KHDRBS2: variants seen among roughly 807,000 people sequenced by gnomAD.
The protein encoded by KHDRBS2 is KH RNA binding domain containing, signal transduction associated 2.
A neutral mutation model predicts 44.3 loss-of-function variants in KHDRBS2; 26 were observed. The ratio of observed to expected loss-of-function variants is 0.59; its 90% CI spans 0.43 to 0.81. KHDRBS2 has a LOEUF of 0.81. Among genes scored for constraint, KHDRBS2 ranks in the 40% least tolerant of loss-of-function variants. KHDRBS2 has a pLI of 0.00. For missense variants in KHDRBS2, 476 were observed against 433.1 expected (o/e 1.10, Z -0.88); for synonymous variants, 194 against 151.1 (o/e 1.28, Z -2.08).
chr6:61,665,422 A>G, the KHDRBS2 span, among the ~76,000 whole-genome samples: 1 of 151,446 alleles, frequency 6.6e-6, no homozygotes, highest in East Asian at 1.9e-4. Context: ...CAGGGAGAAG[A>G]AAGAGTTAAC....
At position 61,950,773 on chromosome 6, in the gene KHDRBS2, T is replaced by C. The variant is rs561580812; in HGVS notation, c.483+27293A>G. On this transcript the variant is annotated intron_variant, in intron 4 of 8. Transcript: ENST00000281156. ...AGTCAGAGAAGGAGAAGAATCTGAG[T>C]TCCATTGCCATATCTTTTGTGTGGT... Among the ~76,000 whole-genome samples, 4 of 152,132 alleles carry C rather than the reference T, an allele frequency of 2.6e-5. No individual in the cohort carries two copies. The South Asian group carries it at 8.3e-4, about 31-fold the overall frequency.
chr6:61,795,069 G>A (rs544537953), intron 6 of KHDRBS2, among the ~76,000 whole-genome samples: 1 of 149,842 alleles, frequency 6.7e-6, no homozygotes, highest in Non-Finnish European at 1.5e-5. Flanking sequence ...AACCCGGGAG[G>A]TGGAGGTTGC....
intron 2 of KHDRBS2, among the ~76,000 whole-genome samples, chr6:62,123,144 C>A (rs771559560): frequency 6.6e-6 from 1 of 152,060 alleles, no homozygotes; most frequent in African/African-American, 2.4e-5. Context: ...TGAGAACATG[C>A]GGTGTTTGGT....
chr6:62,048,499 A>G (rs527527178), intron 2 of KHDRBS2, among the ~76,000 whole-genome samples: 1 of 151,944 alleles, frequency 6.6e-6, no homozygotes, highest in Non-Finnish European at 1.5e-5. Context: ...TTGTCTGGTG[A>G]CCATAACTTT....
In KHDRBS2 at chr6:61,689,003, T is replaced by C. The variant is rs1420056673; in HGVS notation, c.953-7943A>G. On this transcript the variant is annotated intron_variant, in intron 8 of 8. Transcript: ENST00000281156. Reference sequence around the variant, plus strand: ...ATTAGAGTTTGGGCTTTGGCCTATGTGATATCAGCCCAACCTGAGGAGTGG... The same window carrying C: ...ATTAGAGTTTGGGCTTTGGCCTATGCGATATCAGCCCAACCTGAGGAGTGG... Among the ~76,000 whole-genome samples, 4 of 151,972 alleles carry C rather than the reference T, an allele frequency of 2.6e-5. No individual in the cohort carries two copies. The East Asian group carries it at 7.8e-4, about 30-fold the overall frequency.
chr6:61,673,187 T>C, the KHDRBS2 span, among the ~76,000 whole-genome samples: 4 of 152,034 alleles, frequency 2.6e-5, no homozygotes, highest in Non-Finnish European at 4.4e-5. Context: ...GAGGGCTCTG[T>C]TCTGTTCTAT....
chr6:62,071,025 C>T (rs1340121344), intron 2 of KHDRBS2, among the ~76,000 whole-genome samples: 19 of 151,948 alleles, frequency 1.3e-4, no homozygotes, highest in East Asian at 7.8e-4. Context: ...TTTTAATGAT[C>T]GCCATTTAAC....
intron 6 of KHDRBS2, among the ~76,000 whole-genome samples, chr6:61,889,534 C>A (rs1801487728): frequency 7.5e-6 from 1 of 133,460 alleles, no homozygotes; most frequent in Admixed American, 8.6e-5. Context: ...CAAATCTTAA[C>A]AGATGATTTT....
At chr6:61,598,384 T>A in the KHDRBS2 span, among the ~76,000 whole-genome samples, 1 of 152,106 alleles carries the variant, frequency 6.6e-6, no homozygotes, top group Non-Finnish European at 1.5e-5. Context: ...CGATGACAGC[T>A]CAAAGAAAGG....
intron 2 of KHDRBS2, among the ~76,000 whole-genome samples, chr6:62,155,235 A>T (rs552153791): frequency 1.4e-4 from 22 of 152,308 alleles, no homozygotes; most frequent in Non-Finnish European, 2.4e-4. Flanking sequence ...ATGACACCCA[A>T]TTCTGACTAT....
intron 1 of KHDRBS2, among the ~76,000 whole-genome samples, chr6:62,180,104 A>C (rs1247708163): frequency 6.6e-6 from 1 of 151,866 alleles, no homozygotes; most frequent in Non-Finnish European, 1.5e-5. Flanking sequence ...ACAAGAACAG[A>C]AAACCAAACA....
At chr6:61,689,074 T>C (rs1323739946) in intron 8 of KHDRBS2, among the ~76,000 whole-genome samples, 2 of 152,042 alleles carry the variant, frequency 1.3e-5, no homozygotes, top group East Asian at 3.9e-4. Context: ...GTCTATACAA[T>C]GAAACCATAA....
intron 3 of KHDRBS2, among the ~76,000 whole-genome samples, chr6:61,996,494 T>C (rs1777187267): frequency 6.6e-6 from 1 of 152,174 alleles, no homozygotes; most frequent in Admixed American, 6.5e-5. Flanking sequence ...TAAATGTTTT[T>C]TTCTGGGCCT....
At chr6:61,806,188 G>C (rs1460036924) in intron 6 of KHDRBS2, among the ~76,000 whole-genome samples, 1 of 152,120 alleles carries the variant, frequency 6.6e-6, no homozygotes, top group Non-Finnish European at 1.5e-5. Flanking sequence ...CTGGGACGAA[G>C]CTGGAAATGA....
At chr6:61,613,616 T>G in the KHDRBS2 span, among the ~76,000 whole-genome samples, 3 of 150,334 alleles carry the variant, frequency 2.0e-5, no homozygotes, top group African/African-American at 7.4e-5. Context: ...ATTACAATCT[T>G]GCTTTATTTG....
intron 2 of KHDRBS2, among the ~76,000 whole-genome samples, chr6:62,142,810 C>T (rs886895143): frequency 1.3e-5 from 2 of 151,100 alleles, no homozygotes; most frequent in African/African-American, 4.9e-5. Context: ...ATCCAGAAAA[C>T]ATTATTATTA....
At chr6:61,979,973 T>C (rs939926516) in intron 3 of KHDRBS2, among the ~76,000 whole-genome samples, 3 of 152,136 alleles carry the variant, frequency 2.0e-5, no homozygotes, top group Non-Finnish European at 2.9e-5. Flanking sequence ...CCTAGGGAAC[T>C]GAAATAATTT....
At chr6:61,597,513 C>T in the KHDRBS2 span, among the ~76,000 whole-genome samples, 2 of 151,622 alleles carry the variant, frequency 1.3e-5, no homozygotes, top group African/African-American at 4.8e-5. Flanking sequence ...TATGTGATAA[C>T]TAGAACTCTC....
chr6:62,121,903 T>C (rs1807737070), intron 2 of KHDRBS2, among the ~76,000 whole-genome samples: 1 of 152,188 alleles, frequency 6.6e-6, no homozygotes, highest in African/African-American at 2.4e-5. Flanking sequence ...ATGAGAGGCC[T>C]GTCAAGATAT....
Sources: allele counts gnomAD v4.1 joint callset (sites outside exome capture counted in the v4.1 genomes callset), GRCh38; gene constraint gnomAD v4.1.1; transcripts MANE v1.5; gene names NCBI Gene and HGNC (gene_info 2026-07-23, HGNC 2026-07-21).